ZCCHC7: variants seen among roughly 807,000 people sequenced by gnomAD.
The protein encoded by ZCCHC7 is zinc finger CCHC-type containing 7.
ZCCHC7 carries 35 observed loss-of-function variants against 52.0 expected under a neutral mutation model. That is an observed-to-expected ratio of 0.67 (90% CI 0.51 to 0.89). The LOEUF (loss-of-function observed/expected upper bound fraction) is 0.89. Ranked by LOEUF, ZCCHC7 falls within the 40% of genes least tolerant of loss-of-function variation. The pLI is 0.00. For synonymous variants in ZCCHC7, 217 were observed against 221.5 expected (o/e 0.98, Z 0.18); for missense variants, 574 against 649.1 (o/e 0.88, Z 1.26).
At chr9:37,212,982 T>A (rs1564182600) in intron 2 of ZCCHC7, among the ~76,000 whole-genome samples, 1 of 152,248 alleles carries the variant, frequency 6.6e-6, no homozygotes, top group Non-Finnish European at 1.5e-5. Context: ...GCTGTAATTA[T>A]ATTCTATAGA....
Position 37,187,613 on chromosome 9 carries a change from G to A in ZCCHC7, c.610+60671G>A, listed in dbSNP as rs529581528. Among the ~76,000 whole-genome samples the A allele has an allele frequency of 7.2e-5, 11 of 152,264 alleles. No individual in the cohort carries two copies. The South Asian group carries it at 1.5e-3, about 20-fold the overall frequency. On this transcript the variant is annotated intron_variant, in intron 2 of 8. Transcript: ENST00000336755. ...TGTTTGATATTATTGTTTCTACTTCGGGAGATGGGAAGATAAATGGAATAA... is the reference window on the plus strand; with the variant it reads ...TGTTTGATATTATTGTTTCTACTTCAGGAGATGGGAAGATAAATGGAATAA...
intron 2 of ZCCHC7, among the ~76,000 whole-genome samples, chr9:37,294,557 G>T (rs1405926635): frequency 6.6e-6 from 1 of 152,074 alleles, no homozygotes; most frequent in African/African-American, 2.4e-5. Context: ...TTAAGAACTG[G>T]TTATTACAGA....
At chr9:37,343,303 G>T (rs1820754407) in intron 6 of ZCCHC7, among the ~76,000 whole-genome samples, 1 of 152,156 alleles carries the variant, frequency 6.6e-6, no homozygotes, top group Non-Finnish European at 1.5e-5. Flanking sequence ...GTTCTTTCAG[G>T]CTCTGGCCTA....
At chr9:37,224,825 T>C (rs1448709896) in intron 2 of ZCCHC7, among the ~76,000 whole-genome samples, 2 of 152,194 alleles carry the variant, frequency 1.3e-5, no homozygotes, top group African/African-American at 4.8e-5. Context: ...CGAATACTCA[T>C]CTGTGCATGT....
intron 2 of ZCCHC7, among the ~76,000 whole-genome samples, chr9:37,272,198 A>T (rs1827450112): frequency 1.3e-5 from 2 of 152,230 alleles, no homozygotes; most frequent in Non-Finnish European, 2.9e-5. Context: ...GTTTATTTCC[A>T]TGAATAATCC....
At chr9:37,192,080 G>T (rs188881293) in intron 2 of ZCCHC7, among the ~76,000 whole-genome samples, 155 of 152,342 alleles carry the variant, frequency 1.0e-3, no homozygotes, top group African/African-American at 3.6e-3. Context: ...GGTGGAAAAA[G>T]AGCTACCATT....
At chr9:37,170,691 T>C (rs1474765727) in intron 2 of ZCCHC7, among the ~76,000 whole-genome samples, 2 of 152,232 alleles carry the variant, frequency 1.3e-5, no homozygotes, top group African/African-American at 2.4e-5. Flanking sequence ...TTGACACATA[T>C]TTCTATTCTA....
Position 37,353,683 on chromosome 9 carries a change from T to G in ZCCHC7, c.1084-1027T>G, listed in dbSNP as rs550129107. 4.1e-4 allele frequency among the ~76,000 whole-genome samples: 63 copies of G among 152,298 alleles called. 1 individual carries two copies. Among genetic ancestry groups the G allele is most frequent in the Non-Finnish European group, 7.3e-4 (50 of 68,030 alleles). On this transcript the variant is annotated intron_variant, in intron 7 of 8. Coordinates refer to ENST00000336755, the MANE Select transcript of ZCCHC7 (RefSeq NM_032226.3). ...GGTTTTTAATTATTTTTTTATAAAT[T>G]GTGTGTTTAGAATGATTTATAATTT...
At chr9:37,160,003 G>A (rs1006015088) in intron 2 of ZCCHC7, 1 of 152,096 alleles carries the variant, frequency 6.6e-6, no homozygotes, top group African/African-American at 2.4e-5. Context: ...TTAAACATTA[G>A]GACCTTCTGT....
intron 2 of ZCCHC7, among the ~76,000 whole-genome samples, chr9:37,299,966 G>T (rs1289045204): frequency 6.6e-6 from 1 of 152,090 alleles, no homozygotes; most frequent in African/African-American, 2.4e-5. Context: ...TGAAACCCAC[G>T]TATATAGAGG....
chr9:37,285,237 T>G (rs2133590572), intron 2 of ZCCHC7, among the ~76,000 whole-genome samples: 1 of 152,272 alleles, frequency 6.6e-6, no homozygotes, highest in Non-Finnish European at 1.5e-5. Flanking sequence ...AGGGCTATAT[T>G]TATGTTCACA....
chr9:37,258,757 TAAAAAAAAAAAAAAA>T (rs5897683), intron 2 of ZCCHC7, among the ~76,000 whole-genome samples: 2 of 55,366 alleles, frequency 3.6e-5, no homozygotes, highest in East Asian at 5.9e-4. Flanking sequence ...TCCTGTCTCT[TAAAAAAAAAAAAAAA>T]AAAAAAAAAA....
intron 5 of ZCCHC7, among the ~76,000 whole-genome samples, chr9:37,310,550 T>C (rs967809604): frequency 3.3e-5 from 5 of 152,156 alleles, no homozygotes; most frequent in Non-Finnish European, 7.3e-5. Flanking sequence ...TTTTACAAAC[T>C]GAAAACTGAG....
chr9:37,201,842 A>G (rs978447761), intron 2 of ZCCHC7, among the ~76,000 whole-genome samples: 3 of 152,214 alleles, frequency 2.0e-5, no homozygotes, highest in Admixed American at 6.5e-5. Flanking sequence ...CAAAGAAGCT[A>G]TACAAAACTC....
rs568566525 is a variant in ZCCHC7 at position 37,136,218 on chromosome 9, C to T, written c.610+9276C>T. On this transcript the variant is annotated intron_variant, in intron 2 of 8. Transcript: ENST00000336755. The stretch of plus-strand genomic sequence containing the variant: ...CAGCTGTGCAGTTGGCCAACTTTGA[C>T]TTTGGGTAACTTAATTTCTTTATTG... Among the ~76,000 whole-genome samples the T allele has an allele frequency of 1.4e-4, 22 of 152,132 alleles. No homozygotes were observed. In the South Asian group the frequency reaches 2.9e-3, roughly 20 times the overall value.
upstream of ZCCHC7, chr9:37,120,495 T>C: frequency 2.5e-6 from 1 of 398,960 alleles, no homozygotes; most frequent in Non-Finnish European, 4.4e-6. Context: ...AGAGCTGTGT[T>C]GTCCCCGGAA....
chr9:37,145,960 C>T (rs111356811), intron 2 of ZCCHC7, among the ~76,000 whole-genome samples: 3 of 151,914 alleles, frequency 2.0e-5, no homozygotes, highest in Non-Finnish European at 4.4e-5. Context: ...GTAGAACACA[C>T]ATTTTCACAT....
intron 2 of ZCCHC7, among the ~76,000 whole-genome samples, chr9:37,257,410 C>T (rs1826643729): frequency 1.3e-5 from 2 of 152,110 alleles, no homozygotes; most frequent in Admixed American, 6.5e-5. Context: ...ATTCTGGTTT[C>T]CCAGAACATA....
At chr9:37,153,515 T>C (rs1820647752) in intron 2 of ZCCHC7, among the ~76,000 whole-genome samples, 1 of 152,064 alleles carries the variant, frequency 6.6e-6, no homozygotes, top group African/African-American at 2.4e-5. Context: ...GGGTTCACTC[T>C]GTTTCCCAGG....
Sources: gnomAD v4.1 joint callset for allele counts (sites outside exome capture counted in the v4.1 genomes callset) on GRCh38, gnomAD v4.1.1 for gene constraint, MANE v1.5 for transcripts, NCBI Gene and HGNC (gene_info 2026-07-23, HGNC 2026-07-21) for gene names.